Variants in GALR2 observed in about 807,000 individuals in gnomAD.
GALR2 encodes galanin receptor 2.
Under a neutral mutation model 7.2 loss-of-function variants are expected in GALR2, and 5 were observed. The observed-to-expected ratio is 0.69, with a 90% confidence interval of 0.36 to 1.45. The LOEUF (loss-of-function observed/expected upper bound fraction) is 1.45. GALR2 is among the 40% of genes most tolerant of loss of function. The pLI is 0.03. For missense variants in GALR2, 561 were observed against 555.7 expected (o/e 1.01, Z -0.10); for synonymous variants, 300 against 263.9 (o/e 1.14, Z -1.32).
At chr17:76,072,299 C>T, upstream of GALR2, 2 of 1,611,838 alleles carry the variant, frequency 1.2e-6, no homozygotes, top group Non-Finnish European at 8.5e-7. The surrounding 1 kb of genome is among the most constrained non-coding windows in gnomAD (Gnocchi z 4.5). Flanking sequence ...CCCGATTACT[C>T]TAGGATACTC....
In GALR2 at chr17:76,075,264, C is replaced by T. The variant is rs1307212880; in HGVS notation, c.368+13C>T. The T allele has an allele frequency of 6.3e-7, 1 of 1,590,158 alleles. No homozygotes were observed. The highest frequency in any genetic ancestry group is 1.1e-5 in the South Asian group (1 of 89,850). ...TCTCCCTGGACAGGTGAGCCAGCGC[C>T]TTGGCCTCCCTGGGAGATGGGCATC... On this transcript the variant is annotated intron_variant, in intron 1 of 1. Coordinates refer to ENST00000329003, the MANE Select transcript of GALR2 (RefSeq NM_003857.4). This position sits in a 1 kb window ranked among gnomAD's most constrained non-coding sequence, Gnocchi z 5.9.
chr17:76,074,834 GAGACCCAGACGGC>G lies in GALR2; in HGVS notation c.-49_-37del. 6.9e-7 allele frequency: 1 copy of G among 1,440,878 alleles called. No individual in the cohort carries two copies. Among genetic ancestry groups the G allele is most frequent in the Admixed American group, 2.7e-5 (1 of 36,776 alleles). The allele number at this position is 1,440,878 out of a possible 1,614,324, so 89.3% of individuals were successfully genotyped here. The stretch of plus-strand genomic sequence containing the variant: ...CAGCCCCGGGAGCTTCCCGCTCGCG[GAGACCCAGACGGC>G]TGCAGGAGCCCGGGCAGCCTCGGGG... On this transcript the variant is annotated 5_prime_UTR_variant, in exon 1 of 2. Transcript: ENST00000329003. The surrounding 1 kb of genome is among the most constrained non-coding windows in gnomAD (Gnocchi z 6.7).
chr17:76,072,537 G>A (rs1434649333), upstream of GALR2: 2 of 1,554,660 alleles, frequency 1.3e-6, no homozygotes, highest in Admixed American at 3.9e-5. This position sits in a 1 kb window ranked among gnomAD's most constrained non-coding sequence, Gnocchi z 4.5. Context: ...GAGGCGGGAC[G>A]ACCTGGGCGG....
At chr17:76,072,019 TCA>T, upstream of GALR2, 1 of 535,526 alleles carries the variant, frequency 1.9e-6, no homozygotes, top group Non-Finnish European at 3.2e-6. The surrounding 1 kb of genome is among the most constrained non-coding windows in gnomAD (Gnocchi z 4.5). Flanking sequence ...TGTCACTTGG[TCA>T]CAAGCCCTCC....
In GALR2 at chr17:76,075,645, G is replaced by T. The variant is rs1323153166; in HGVS notation, c.368+394G>T. Among the ~76,000 whole-genome samples the T allele has an allele frequency of 1.3e-5, 2 of 152,224 alleles. No homozygotes were observed. Among genetic ancestry groups the T allele is most frequent in the African/African-American group, 4.8e-5 (2 of 41,468 alleles). ...AACTCGCTCAGAGTCGCCAGCCAGGGATCGGGTGCGTGAAGTGACCGTCTG... is the reference window on the plus strand; with the variant it reads ...AACTCGCTCAGAGTCGCCAGCCAGGTATCGGGTGCGTGAAGTGACCGTCTG... On this transcript the variant is annotated intron_variant, in intron 1 of 1. Coordinates refer to ENST00000329003, the MANE Select transcript of GALR2 (RefSeq NM_003857.4). This position sits in a 1 kb window ranked among gnomAD's most constrained non-coding sequence, Gnocchi z 5.9.
Position 76,076,648 on chromosome 17 carries a change from C to A in GALR2, c.381C>A (p.Ile127=), listed in dbSNP as rs774001230. The A allele has an allele frequency of 2.5e-6, 4 of 1,584,574 alleles. No homozygotes were observed. The East Asian group carries it at 6.7e-5, about 27-fold the overall frequency. Residue 127 remains isoleucine (I), a synonymous_variant, in exon 2 of 2, where the codon ATC becomes ATA. Transcript: ENST00000329003. This position sits in a 1 kb window ranked among gnomAD's most constrained non-coding sequence, Gnocchi z 6.5. Reference sequence around the variant, plus strand: ...GGTCTGACCGCAGGTATCTGGCCATCCGCTACCCGCTGCACTCCCGCGAGC... The same window carrying A: ...GGTCTGACCGCAGGTATCTGGCCATACGCTACCCGCTGCACTCCCGCGAGC... The part of the protein sequence containing the change: ...AAVSLDRYLA[I]RYPLHSRELR...
At position 76,077,294 on chromosome 17, in the gene GALR2, T is replaced by C. The variant is rs769046796; in HGVS notation, c.1027T>C (p.Leu343=). ...GTTGGAGCGCGAGTCCAGCGACCTGTTGCACATGAGCGAGGCGGCGGGGGC... is the reference window on the plus strand; with the variant it reads ...GTTGGAGCGCGAGTCCAGCGACCTGCTGCACATGAGCGAGGCGGCGGGGGC... ...SVLERESSDL[L]HMSEAAGALR... is the part of the protein sequence containing the mutation. Residue 343 remains leucine (L), a synonymous_variant, in exon 2 of 2, where the codon TTG becomes CTG. Transcript: ENST00000329003. 2 of 1,596,238 alleles carry C rather than the reference T, an allele frequency of 1.3e-6. No homozygotes were observed. Among genetic ancestry groups the C allele is most frequent in the African/African-American group, 2.7e-5 (2 of 74,808 alleles).
Position 76,076,703 on chromosome 17 carries a change from A to G in GALR2, c.436A>G (p.Ile146Val). The G allele has an allele frequency of 6.2e-7, 1 of 1,603,130 alleles. No individual in the cohort carries two copies. Among genetic ancestry groups the G allele is most frequent in the Non-Finnish European group, 8.5e-7 (1 of 1,179,322 alleles). Residue 146 changes from isoleucine to valine, a missense_variant, in exon 2 of 2, where the codon ATC (isoleucine) becomes GTC (valine). Transcript: ENST00000329003. This position sits in a 1 kb window ranked among gnomAD's most constrained non-coding sequence, Gnocchi z 6.5. Reference sequence around the variant, plus strand: ...CACGCCTCGAAACGCGCTGGCAGCCATCGGGCTCATCTGGGGGCTGTCGCT... The same window carrying G: ...CACGCCTCGAAACGCGCTGGCAGCCGTCGGGCTCATCTGGGGGCTGTCGCT... ...LRTPRNALAA[I>V]GLIWGLSLLF...
rs1014141830 is a variant in GALR2 at position 76,075,544 on chromosome 17, C to T, written c.368+293C>T. Among the ~76,000 whole-genome samples, 8 of 152,234 alleles carry T rather than the reference C, an allele frequency of 5.3e-5. No homozygotes were observed. The highest frequency in any genetic ancestry group is 3.9e-4 in the East Asian group (2 of 5,192). On this transcript the variant is annotated intron_variant, in intron 1 of 1. Coordinates refer to ENST00000329003, the MANE Select transcript of GALR2 (RefSeq NM_003857.4). This position sits in a 1 kb window ranked among gnomAD's most constrained non-coding sequence, Gnocchi z 5.9. ...ACGACGCGTTTGTGCGCGTTCATCT[C>T]GCTTGAGCTTAATGCCCTCCGTGAG... is the stretch of plus-strand genomic sequence containing the variant.
chr17:76,072,433 C>A, upstream of GALR2: 1 of 1,580,864 alleles, frequency 6.3e-7, no homozygotes, highest in South Asian at 1.1e-5. The surrounding 1 kb of genome is among the most constrained non-coding windows in gnomAD (Gnocchi z 4.5). Flanking sequence ...GCCACTGCCA[C>A]CGCCGCCGCC....
Position 76,074,993 on chromosome 17 carries a change from T to A in GALR2, c.110T>A (p.Leu37His). 1 of 1,606,344 alleles carries A rather than the reference T, an allele frequency of 6.2e-7. No homozygotes were observed. Among genetic ancestry groups the A allele is most frequent in the Admixed American group, 1.7e-5 (1 of 59,904 alleles). Residue 37 changes from leucine (L) to histidine (H), a missense_variant, in exon 1 of 2, where the codon CTC becomes CAC. Leu to His is a moderately conservative substitution (Grantham distance 99, BLOSUM62 -3). Transcript: ENST00000329003. The surrounding 1 kb of genome is among the most constrained non-coding windows in gnomAD (Gnocchi z 6.7). ...CCCCTGCTCTTCGCGCTCATCTTCC[T>A]CGTGGGCACCGTGGGCAACACGCTG... is the stretch of plus-strand genomic sequence containing the variant. ...IVPLLFALIFLVGTVGNTLVL... is the reference protein window; with the variant it reads ...IVPLLFALIFHVGTVGNTLVL...
At position 76,075,066 on chromosome 17, in the gene GALR2, C is replaced by T. The variant is rs1363366881; in HGVS notation, c.183C>T (p.Asn61=). 6.2e-7 allele frequency: 1 copy of T among 1,611,932 alleles called. No individual in the cohort carries two copies. The highest frequency in any genetic ancestry group is 1.1e-5 in the South Asian group (1 of 90,998). The change falls in exon 1 of 2, where the codon AAC becomes AAT. Residue 61 remains asparagine, a synonymous_variant. Coordinates refer to ENST00000329003, the MANE Select transcript of GALR2 (RefSeq NM_003857.4). This position sits in a 1 kb window ranked among gnomAD's most constrained non-coding sequence, Gnocchi z 5.9. ...GCGGCCAGGCGGTCAGCACTACCAA[C>T]CTGTTCATCCTTAACCTGGGCGTGG... ...LRGGQAVSTT[N]LFILNLGVAD... is the part of the protein sequence containing the mutation.
Position 76,076,354 on chromosome 17 carries a change from T to C in GALR2, c.369-282T>C, listed in dbSNP as rs1348066476. ...TGGGGTGCCCTCTCAGTGGAGACTG[T>C]GGTTGCAGTCCCCGGGGGCAGCGGG... On this transcript the variant is annotated intron_variant, in intron 1 of 1. Transcript: ENST00000329003. This position sits in a 1 kb window ranked among gnomAD's most constrained non-coding sequence, Gnocchi z 6.5. Among the ~76,000 whole-genome samples the C allele has an allele frequency of 1.3e-5, 2 of 152,168 alleles. No individual in the cohort carries two copies. The highest frequency in any genetic ancestry group is 4.8e-5 in the African/African-American group (2 of 41,436).
Position 76,075,106 on chromosome 17 carries a change from A to T in GALR2, c.223A>T (p.Ile75Phe). Reference protein sequence around the residue: ...LNLGVADLCFILCCVPFQATI... With the variant: ...LNLGVADLCFFLCCVPFQATI... Reference sequence around the variant, plus strand: ...CCTGGGCGTGGCCGACCTGTGTTTCATCCTGTGCTGCGTGCCCTTCCAGGC... The same window carrying T: ...CCTGGGCGTGGCCGACCTGTGTTTCTTCCTGTGCTGCGTGCCCTTCCAGGC... The change falls in exon 1 of 2, where the codon ATC becomes TTC. Residue 75 changes from isoleucine (I) to phenylalanine (F), a missense_variant. Physicochemically the swap from Ile to Phe is conservative, Grantham distance 21. Coordinates refer to ENST00000329003, the MANE Select transcript of GALR2 (RefSeq NM_003857.4). This position sits in a 1 kb window ranked among gnomAD's most constrained non-coding sequence, Gnocchi z 5.9. The T allele has an allele frequency of 6.2e-7, 1 of 1,612,324 alleles. No individual in the cohort carries two copies. Among genetic ancestry groups the T allele is most frequent in the South Asian group, 1.1e-5 (1 of 91,004 alleles).
upstream of GALR2, among the ~76,000 whole-genome samples, chr17:76,072,967 G>A (rs1290422243): frequency 6.6e-6 from 1 of 152,242 alleles, no homozygotes; most frequent in Non-Finnish European, 1.5e-5. This position sits in a 1 kb window ranked among gnomAD's most constrained non-coding sequence, Gnocchi z 4.5. Context: ...CCTTTCCTCT[G>A]AGGCTGGCCG....
chr17:76,074,905 G>C lies in GALR2; in HGVS notation c.22G>C (p.Gly8Arg). 1 of 1,537,124 alleles carries C rather than the reference G, an allele frequency of 6.5e-7. No individual in the cohort carries two copies. Among genetic ancestry groups the C allele is most frequent in the Middle Eastern group, 2.3e-4 (1 of 4,354 alleles). Residue 8 changes from glycine (G) to arginine (R), a missense_variant, in exon 1 of 2, where the codon GGG becomes CGG. Physicochemically the swap from Gly to Arg is moderately radical, Grantham distance 125 (BLOSUM62 -2). Coordinates refer to ENST00000329003, the MANE Select transcript of GALR2 (RefSeq NM_003857.4). The surrounding 1 kb of genome is among the most constrained non-coding windows in gnomAD (Gnocchi z 6.7). ...CACCATGAACGTCTCGGGCTGCCCAGGGGCCGGGAACGCGAGCCAGGCGGG... is the reference window on the plus strand; with the variant it reads ...CACCATGAACGTCTCGGGCTGCCCACGGGCCGGGAACGCGAGCCAGGCGGG... MNVSGCPGAGNASQAGGG... is the reference protein window; with the variant it reads MNVSGCPRAGNASQAGGG...
At chr17:76,071,984 A>G, upstream of GALR2, 1 of 455,612 alleles carries the variant, frequency 2.2e-6, no homozygotes. The surrounding 1 kb of genome is among the most constrained non-coding windows in gnomAD (Gnocchi z 4.7). Context: ...CAGTGGCTCA[A>G]GGTGCCAAAG....
rs1339903651 is a variant in GALR2 at position 76,076,938 on chromosome 17, G to T, written c.671G>T (p.Gly224Val). The T allele has an allele frequency of 1.2e-6, 2 of 1,602,036 alleles. No individual in the cohort carries two copies. The highest frequency in any genetic ancestry group is 1.7e-6 in the Non-Finnish European group (2 of 1,178,454). The change falls in exon 2 of 2, where the codon GGC (glycine) becomes GTC (valine). Residue 224 changes from glycine (G) to valine (V), a missense_variant. Transcript: ENST00000329003. The surrounding 1 kb of genome is among the most constrained non-coding windows in gnomAD (Gnocchi z 6.5). ...CGCGCCGTCGACCCGGTGGCCGCGG[G>T]CTCGGGTGCCCGGCGCGCCAAGCGC... ...LWRAVDPVAA[G>V]SGARRAKRKV... is the part of the protein sequence containing the mutation.
rs2066884606 is a variant in GALR2, at chr17:76,075,536, G to T, written c.368+285G>T. 1.3e-5 allele frequency among the ~76,000 whole-genome samples: 2 copies of T among 152,232 alleles called. No individual in the cohort carries two copies. Among genetic ancestry groups the T allele is most frequent in the African/African-American group, 2.4e-5 (1 of 41,464 alleles). On this transcript the variant is annotated intron_variant, in intron 1 of 1. Coordinates refer to ENST00000329003, the MANE Select transcript of GALR2 (RefSeq NM_003857.4). This position sits in a 1 kb window ranked among gnomAD's most constrained non-coding sequence, Gnocchi z 5.9. The stretch of plus-strand genomic sequence containing the variant: ...TTCCCAGTACGACGCGTTTGTGCGC[G>T]TTCATCTCGCTTGAGCTTAATGCCC...
Sources: gnomAD v4.1 joint callset for allele counts (sites outside exome capture counted in the v4.1 genomes callset) on GRCh38, gnomAD v4.1.1 for gene constraint, Gnocchi (gnomAD v3.1) non-coding constraint, MANE v1.5 for transcripts, NCBI Gene and HGNC (gene_info 2026-07-23, HGNC 2026-07-21) for gene names.